Variants in KATNAL2 observed in about 807,000 individuals in gnomAD.
KATNAL2 encodes katanin catalytic subunit A1 like 2.
In KATNAL2, 52 loss-of-function variants were observed where a neutral mutation model predicts 76.3. The observed-to-expected ratio is 0.68, with a 90% CI of 0.55 to 0.86. The LOEUF (loss-of-function observed/expected upper bound fraction) is 0.86. Among genes scored for constraint, KATNAL2 ranks in the 40% least tolerant of loss-of-function variants. The pLI, the probability that KATNAL2 is intolerant of heterozygous loss-of-function variation, is 0.00. For missense variants in KATNAL2, 660 were observed against 668.9 expected (o/e 0.99, Z 0.15); for synonymous variants, 243 against 244.2 (o/e 1.00, Z 0.05).
At chr18:46,929,775 T>G (rs918464971) in intron 1 of KATNAL2, among the ~76,000 whole-genome samples, 1 of 152,156 alleles carries the variant, frequency 6.6e-6, no homozygotes, top group Non-Finnish European at 1.5e-5. Context: ...TTAAATTTTT[T>G]ATTTATTTAT....
Position 47,046,401 on chromosome 18 carries a change from C to T in KATNAL2, c.52-56C>T, listed in dbSNP as rs549865474. 9.0e-5 allele frequency: 105 copies of T among 1,167,570 alleles called. 1 individual carries two copies. In the African/African-American group the frequency reaches 1.2e-3, roughly 13 times the overall value. 72.3% of individuals were successfully genotyped at this position (1,167,570 alleles called of 1,614,324 possible). On this transcript the variant is annotated intron_variant, in intron 3 of 17. Transcript: ENST00000683218. ...ACATTTACCTTCCAGGGTTTATTGC[C>T]GTAGGAGCAGTGTTATTTTTTGTTG...
chr18:47,054,119 AT>A (rs2061408739), intron 5 of KATNAL2, among the ~76,000 whole-genome samples: 1 of 152,228 alleles, frequency 6.6e-6, no homozygotes, highest in African/African-American at 2.4e-5. Context: ...GCTAGCCTAT[AT>A]TGGAGTTGCC....
chr18:46,933,981 C>G (rs2059013709), intron 1 of KATNAL2, among the ~76,000 whole-genome samples: 1 of 150,390 alleles, frequency 6.6e-6, no homozygotes, highest in Non-Finnish European at 1.5e-5. Context: ...ATGAACTCAT[C>G]ATTTTTTATG....
chr18:46,960,868 T>C (rs1843221441), intron 3 of KATNAL2, among the ~76,000 whole-genome samples: 1 of 152,156 alleles, frequency 6.6e-6, no homozygotes, highest in Admixed American at 6.5e-5. Context: ...ACAAAACCCC[T>C]CAGACACCGG....
chr18:46,920,456 A>C (rs1238701134), intron 1 of KATNAL2, among the ~76,000 whole-genome samples: 2 of 152,082 alleles, frequency 1.3e-5, no homozygotes, highest in African/African-American at 2.4e-5. Context: ...CACACACACA[A>C]AATCTCAGCA....
At chr18:47,034,869 T>A (rs2060688533) in intron 3 of KATNAL2, 1 of 1,612,010 alleles carries the variant, frequency 6.2e-7, no homozygotes, top group African/African-American at 1.3e-5. Flanking sequence ...GTGTTCTGCG[T>A]GCTGTCCGTC....
chr18:46,938,487 T>G (rs2059154641), intron 1 of KATNAL2, among the ~76,000 whole-genome samples: 3 of 152,220 alleles, frequency 2.0e-5, no homozygotes, highest in Admixed American at 2.0e-4. Context: ...AATATATCAA[T>G]GTATTATTCT....
chr18:47,039,933 T>C (rs1174905392), intron 3 of KATNAL2, among the ~76,000 whole-genome samples: 2 of 152,202 alleles, frequency 1.3e-5, no homozygotes, highest in Non-Finnish European at 1.5e-5. Context: ...ATATGGACAT[T>C]GTTAGAAATG....
chr18:46,936,520 G>A (rs184586018), intron 1 of KATNAL2, among the ~76,000 whole-genome samples: 3 of 152,278 alleles, frequency 2.0e-5, no homozygotes, highest in Admixed American at 6.5e-5. Flanking sequence ...TGGGGGGATC[G>A]ATTGAGCCCA....
intron 4 of KATNAL2, among the ~76,000 whole-genome samples, chr18:47,051,954 T>C (rs1228684527): frequency 6.6e-6 from 1 of 152,224 alleles, no homozygotes; most frequent in African/African-American, 2.4e-5. Context: ...AAGTTTTCTC[T>C]TTCTACTTTC....
intron 3 of KATNAL2, among the ~76,000 whole-genome samples, chr18:46,948,217 T>C (rs2059437470): frequency 6.6e-6 from 1 of 152,020 alleles, no homozygotes; most frequent in African/African-American, 2.4e-5. Flanking sequence ...TTCAAGTGAT[T>C]TTCCTGCCTC....
At chr18:46,952,998 G>A (rs1275969724) in intron 3 of KATNAL2, among the ~76,000 whole-genome samples, 2 of 145,532 alleles carry the variant, frequency 1.4e-5, no homozygotes, top group South Asian at 4.4e-4. Flanking sequence ...AGGTTCAACC[G>A]ATTCTCCTGA....
chr18:47,038,174 T>A (rs2060845238), intron 3 of KATNAL2, among the ~76,000 whole-genome samples: 1 of 152,214 alleles, frequency 6.6e-6, no homozygotes, highest in Non-Finnish European at 1.5e-5. Context: ...TAAGCCTGTC[T>A]TTTAGGCTAT....
chr18:47,039,284 C>A (rs1411116803), intron 3 of KATNAL2, among the ~76,000 whole-genome samples: 1 of 152,074 alleles, frequency 6.6e-6, no homozygotes, highest in African/African-American at 2.4e-5. Flanking sequence ...AATTCCATGG[C>A]TTTCAAGATA....
chr18:47,093,902 T>C (rs1187234508), intron 15 of KATNAL2, among the ~76,000 whole-genome samples: 1 of 152,246 alleles, frequency 6.6e-6, no homozygotes, highest in Non-Finnish European at 1.5e-5. Context: ...TATCATATTT[T>C]GTATTCTCGT....
At chr18:47,039,708 G>A (rs2060898797) in intron 3 of KATNAL2, among the ~76,000 whole-genome samples, 1 of 152,194 alleles carries the variant, frequency 6.6e-6, no homozygotes, top group African/African-American at 2.4e-5. Flanking sequence ...GAGAACATTT[G>A]CACAAGTACA....
intron 3 of KATNAL2, among the ~76,000 whole-genome samples, chr18:47,039,024 AG>A (rs2060873045): frequency 6.6e-6 from 1 of 152,202 alleles, no homozygotes; most frequent in Non-Finnish European, 1.5e-5. Context: ...GGGCTGAAAA[AG>A]CAGGCCCTCA....
intron 15 of KATNAL2, among the ~76,000 whole-genome samples, chr18:47,079,731 T>G (rs2062417681): frequency 6.6e-6 from 1 of 152,180 alleles, no homozygotes; most frequent in Non-Finnish European, 1.5e-5. Flanking sequence ...GTCCACACTT[T>G]CTGGATTAGG....
At chr18:47,080,463 C>A (rs1433330090) in intron 15 of KATNAL2, among the ~76,000 whole-genome samples, 1 of 152,166 alleles carries the variant, frequency 6.6e-6, no homozygotes, top group Non-Finnish European at 1.5e-5. Flanking sequence ...CATTAGCAAC[C>A]ATCCCATTTC....
Sources: allele counts gnomAD v4.1 joint callset (sites outside exome capture counted in the v4.1 genomes callset), GRCh38; gene constraint gnomAD v4.1.1; transcripts MANE v1.5; gene names NCBI Gene and HGNC (gene_info 2026-07-23, HGNC 2026-07-21).